The following EDDM13 variants were observed in gnomAD, a reference collection of about 807,000 sequenced individuals.
EDDM13 encodes epididymal protein 13.
EDDM13 carries 24 observed loss-of-function variants against 17.8 expected under a neutral mutation model. That is an observed-to-expected ratio of 1.35 (90% CI 0.98 to 1.90). EDDM13 has a LOEUF of 1.90. Among genes scored for constraint, EDDM13 ranks in the 40% most tolerant of loss-of-function variants. EDDM13 has a pLI of 0.00. For missense variants in EDDM13, 97 were observed against 100.8 expected (o/e 0.96, Z 0.16); for synonymous variants, 31 against 37.5 (o/e 0.83, Z 0.63).
intron 9 of EDDM13, among the ~76,000 whole-genome samples, chr19:56,294,447 CTTGT>C (rs1165738300): frequency 1.3e-5 from 2 of 152,176 alleles, no homozygotes; most frequent in Non-Finnish European, 1.5e-5. Flanking sequence ...ATATTTTTTG[CTTGT>C]TTGAGAATTC....
rs576019276 is a variant in EDDM13 at position 56,278,386 on chromosome 19, G to A, written c.103+2277G>A. On this transcript the variant is annotated intron_variant, in intron 2 of 14. Transcript: ENST00000649256. ...TGACCTCAAGTGATCTGCCCACCTC[G>A]GTCTCCCAAAGTGCTGGGATTACAG... Among the ~76,000 whole-genome samples the A allele has an allele frequency of 2.0e-4, 31 of 152,164 alleles. No homozygotes were observed. In the East Asian group the frequency reaches 3.5e-3, roughly 17 times the overall value.
At chr19:56,287,238 T>C (rs2039194290) in intron 6 of EDDM13, among the ~76,000 whole-genome samples, 1 of 152,220 alleles carries the variant, frequency 6.6e-6, no homozygotes, top group African/African-American at 2.4e-5. Context: ...GACCTGGAAG[T>C]AGAACTCTCC....
intron 6 of EDDM13, among the ~76,000 whole-genome samples, chr19:56,285,793 T>C (rs1420174748): frequency 6.6e-6 from 1 of 152,124 alleles, no homozygotes; most frequent in Admixed American, 6.5e-5. Context: ...TTTGTTTTAT[T>C]TTGTTTTGAT....
At chr19:56,302,330 C>T (rs890839662) in intron 13 of EDDM13, among the ~76,000 whole-genome samples, 3 of 138,638 alleles carry the variant, frequency 2.2e-5, no homozygotes, top group African/African-American at 8.0e-5. Context: ...CCCTCCCCTT[C>T]CTCCTTCCCT....
intron 12 of EDDM13, 39 bp from the exon 13 acceptor site, chr19:56,301,929 A>C: frequency 1.1e-5 from 14 of 1,231,992 alleles, no homozygotes; most frequent in Non-Finnish European, 1.4e-5. Context: ...GCAGGAAGGG[A>C]AGGCCATCAG....
chr19:56,282,648 A>G (rs2038800988), intron 4 of EDDM13, 149 bp downstream of exon 4: 1 of 295,486 alleles, frequency 3.4e-6, no homozygotes, highest in Non-Finnish European at 5.0e-6. Flanking sequence ...CAAGTGTGGA[A>G]TTGTCCTTTG....
chr19:56,295,392 TAGACC>T (rs2039800688), intron 9 of EDDM13, among the ~76,000 whole-genome samples: 1 of 151,912 alleles, frequency 6.6e-6, no homozygotes, highest in African/African-American at 2.4e-5. Flanking sequence ...TCAGGAGTTC[TAGACC>T]AGCCTGGCCA....
At chr19:56,284,274 C>T (rs1274074845) in intron 5 of EDDM13, 68 bp downstream of exon 5, 4 of 595,470 alleles carry the variant, frequency 6.7e-6, no homozygotes, top group Non-Finnish European at 8.4e-6. Flanking sequence ...GGGCTTTGCT[C>T]TAGAATGTAC....
chr19:56,302,432 CT>C (rs2040316230), intron 13 of EDDM13, among the ~76,000 whole-genome samples: 1 of 109,082 alleles, frequency 9.2e-6, no homozygotes, highest in African/African-American at 4.1e-5. Context: ...CCCTTTCTCC[CT>C]TCCTTCCTTT....
At chr19:56,291,467 T>C (rs2039505135) in intron 9 of EDDM13, among the ~76,000 whole-genome samples, 1 of 152,190 alleles carries the variant, frequency 6.6e-6, no homozygotes, top group South Asian at 2.1e-4. Context: ...TTATTTCTCT[T>C]TTTTGGGAAG....
chr19:56,303,105 G>C, intron 13 of EDDM13: 2 of 383,824 alleles, frequency 5.2e-6, no homozygotes, highest in Non-Finnish European at 9.2e-6. Flanking sequence ...TTAGCCAATT[G>C]AGGAGGGGAA....
intron 9 of EDDM13, among the ~76,000 whole-genome samples, chr19:56,291,386 TAAA>T (rs1053019660): frequency 6.6e-6 from 1 of 152,084 alleles, no homozygotes; most frequent in African/African-American, 2.4e-5. Flanking sequence ...TCTAAAGGAG[TAAA>T]GTCTCAAAGA....
intron 14 of EDDM13, among the ~76,000 whole-genome samples, chr19:56,308,906 T>C (rs920128088): frequency 6.6e-6 from 1 of 152,186 alleles, no homozygotes; most frequent in African/African-American, 2.4e-5. Context: ...CATATAAAGG[T>C]GTGCTTTCAA....
intron 2 of EDDM13, among the ~76,000 whole-genome samples, chr19:56,277,382 A>G (rs1440810209): frequency 6.6e-6 from 1 of 152,240 alleles, no homozygotes; most frequent in East Asian, 1.9e-4. Flanking sequence ...GATGCATTCA[A>G]CATCGTGTGT....
At chr19:56,285,991 A>G (rs1355070333) in intron 6 of EDDM13, among the ~76,000 whole-genome samples, 1 of 152,184 alleles carries the variant, frequency 6.6e-6, no homozygotes, top group Non-Finnish European at 1.5e-5. Flanking sequence ...TTGTTTCCCC[A>G]CACCTTCAGC....
intron 12 of EDDM13, among the ~76,000 whole-genome samples, chr19:56,298,752 T>A (rs2040044430): frequency 6.6e-6 from 1 of 152,134 alleles, no homozygotes; most frequent in Non-Finnish European, 1.5e-5. Context: ...CAGGATCAAG[T>A]TAGCTTTAAT....
intron 4 of EDDM13, chr19:56,283,198 C>A (rs553585618): frequency 3.9e-5 from 6 of 152,380 alleles, no homozygotes; most frequent in Non-Finnish European, 7.3e-5. Flanking sequence ...GATTCCACGT[C>A]CCTGCTCCCA....
At chr19:56,294,181 A>G (rs2039705875) in intron 9 of EDDM13, among the ~76,000 whole-genome samples, 1 of 151,560 alleles carries the variant, frequency 6.6e-6, no homozygotes, top group South Asian at 2.1e-4. Context: ...GTAACGAGCA[A>G]AAGCCAAACC....
chr19:56,290,989 C>T (rs908164072), intron 9 of EDDM13, among the ~76,000 whole-genome samples, 143 bp downstream of exon 9: 1 of 152,162 alleles, frequency 6.6e-6, no homozygotes, highest in African/African-American at 2.4e-5. Flanking sequence ...TCTGCTGCTC[C>T]CCTCTCTGAA....
Sources: allele counts gnomAD v4.1 joint callset (sites outside exome capture counted in the v4.1 genomes callset), GRCh38; gene constraint gnomAD v4.1.1; transcripts MANE v1.5; gene names NCBI Gene and HGNC (gene_info 2026-07-23, HGNC 2026-07-21).